Variants in ZCWPW2 observed in about 807,000 individuals in gnomAD.
The protein encoded by ZCWPW2 is zinc finger CW-type PWWP domain protein 2.
A neutral mutation model predicts 46.6 loss-of-function variants in ZCWPW2; 45 were observed. That is an observed-to-expected ratio of 0.96 (90% CI 0.76 to 1.24). The LOEUF (loss-of-function observed/expected upper bound fraction) is 1.24, where lower values mean the gene tolerates loss of function less well. Ranked by LOEUF, ZCWPW2 falls within the 50% of genes most tolerant of loss-of-function variation. The pLI, the probability that ZCWPW2 is intolerant of heterozygous loss-of-function variation, is 0.00. For missense variants in ZCWPW2, 429 were observed against 403.9 expected (o/e 1.06, Z -0.53); for synonymous variants, 152 against 137.1 (o/e 1.11, Z -0.76).
At chr3:28,378,442 T>C (rs1489528405) in intron 1 of ZCWPW2, among the ~76,000 whole-genome samples, 1 of 152,072 alleles carries the variant, frequency 6.6e-6, no homozygotes, top group Non-Finnish European at 1.5e-5. Flanking sequence ...CAAACATTTA[T>C]TATATCTTCA....
chr3:28,448,595 G>A (rs1698088180), intron 4 of ZCWPW2, among the ~76,000 whole-genome samples: 1 of 151,232 alleles, frequency 6.6e-6, no homozygotes. Flanking sequence ...GACCCGCCTG[G>A]CCACCATGGA....
At chr3:28,409,788 G>A (rs1412045304) in intron 2 of ZCWPW2, among the ~76,000 whole-genome samples, 2 of 152,090 alleles carry the variant, frequency 1.3e-5, no homozygotes, top group Non-Finnish European at 2.9e-5. Context: ...TACAAGTTAG[G>A]AAAGGAGAAA....
intron 4 of ZCWPW2, among the ~76,000 whole-genome samples, chr3:28,474,586 C>CGTGTGTGTGTGTGTGTGT (rs71087699): frequency 2.9e-5 from 4 of 136,170 alleles, no homozygotes; most frequent in Non-Finnish European, 3.1e-5. Context: ...TTAAATACAG[C>CGTGTGTGTGTGTGTGTGT]GTGTGTGTGT....
intron 2 of ZCWPW2, among the ~76,000 whole-genome samples, chr3:28,403,401 C>CA (rs1028789912): frequency 6.6e-6 from 1 of 152,008 alleles, no homozygotes; most frequent in Admixed American, 6.5e-5. Flanking sequence ...ATAGACAACA[C>CA]AAAAAAATGA....
At chr3:28,411,191 A>G (rs768854939) in intron 2 of ZCWPW2, among the ~76,000 whole-genome samples, 10 of 152,000 alleles carry the variant, frequency 6.6e-5, no homozygotes, top group Non-Finnish European at 1.3e-4. Context: ...CCAGGTAGGG[A>G]TTATCCAGAA....
At chr3:28,516,129 A>C (rs1175759697) in intron 8 of ZCWPW2, among the ~76,000 whole-genome samples, 1 of 151,794 alleles carries the variant, frequency 6.6e-6, no homozygotes. Flanking sequence ...AATCCCAGCT[A>C]CTCTGGAGGC....
intron 5 of ZCWPW2, among the ~76,000 whole-genome samples, chr3:28,489,704 A>ACC (rs1553641730): frequency 3.4e-5 from 5 of 145,158 alleles, no homozygotes; most frequent in Admixed American, 1.4e-4. Context: ...ACACACACAC[A>ACC]CCCCATGTCT....
intron 4 of ZCWPW2, among the ~76,000 whole-genome samples, chr3:28,474,023 A>G (rs1699136611): frequency 6.6e-6 from 1 of 152,202 alleles, no homozygotes. Flanking sequence ...TAAAGAGTAT[A>G]ATTGGATTGT....
intron 4 of ZCWPW2, among the ~76,000 whole-genome samples, chr3:28,473,779 A>G (rs996613358): frequency 4.6e-5 from 7 of 152,210 alleles, no homozygotes; most frequent in Non-Finnish European, 8.8e-5. Flanking sequence ...GCACAGAAAG[A>G]TAAACTTTGC....
intron 1 of ZCWPW2, among the ~76,000 whole-genome samples, chr3:28,367,259 C>T (rs1318128491): frequency 6.6e-6 from 1 of 152,108 alleles, no homozygotes; most frequent in Non-Finnish European, 1.5e-5. Flanking sequence ...TTAGATCTTT[C>T]CTGCTTTCTC....
intron 2 of ZCWPW2, among the ~76,000 whole-genome samples, chr3:28,391,012 C>T (rs1028029885): frequency 9.9e-5 from 15 of 152,042 alleles, no homozygotes; most frequent in African/African-American, 3.6e-4. Context: ...ACTAGGGCCC[C>T]AGATAGGGAT....
At chr3:28,412,053 T>C (rs1472343552) in intron 2 of ZCWPW2, among the ~76,000 whole-genome samples, 1 of 152,044 alleles carries the variant, frequency 6.6e-6, no homozygotes, top group Non-Finnish European at 1.5e-5. Flanking sequence ...GTGACAAATG[T>C]AAGTAAGTGA....
At position 28,510,861 on chromosome 3, in the gene ZCWPW2, C is replaced by G. The variant is rs565667424; in HGVS notation, c.658-3203C>G. The G allele has an allele frequency of 4.2e-5, 11 of 260,200 alleles. No individual in the cohort carries two copies. In the South Asian group the frequency reaches 4.5e-4, roughly 11 times the overall value. 16.1% of individuals were successfully genotyped at this position (260,200 alleles called of 1,614,324 possible). A position where few individuals can be genotyped will look rare whatever the true frequency, so the allele number is the denominator to read the frequency against. ...AGATGATGATGTACAAATGTCTTAACTGTATTAGTCATTTACAAACACTGT... is the reference window on the plus strand; with the variant it reads ...AGATGATGATGTACAAATGTCTTAAGTGTATTAGTCATTTACAAACACTGT... On this transcript the variant is annotated intron_variant, in intron 6 of 9. Transcript: ENST00000383768.
chr3:28,461,947 C>G (rs1335030912), intron 4 of ZCWPW2, among the ~76,000 whole-genome samples: 1 of 152,158 alleles, frequency 6.6e-6, no homozygotes, highest in African/African-American at 2.4e-5. Context: ...TTCTTCCCTA[C>G]AATTAACCAG....
At chr3:28,387,289 C>A (rs779838547) in intron 1 of ZCWPW2, among the ~76,000 whole-genome samples, 5 of 152,122 alleles carry the variant, frequency 3.3e-5, no homozygotes, top group Non-Finnish European at 5.9e-5. Flanking sequence ...TTGTTCCCAT[C>A]TGTCTTCTTT....
intron 1 of ZCWPW2, among the ~76,000 whole-genome samples, chr3:28,356,150 T>G (rs1292315007): frequency 6.6e-6 from 1 of 152,178 alleles, no homozygotes; most frequent in African/African-American, 2.4e-5. Context: ...TAAACAAATT[T>G]ACAAGAAAAA....
chr3:28,438,872 A>G (rs548346662), intron 4 of ZCWPW2, among the ~76,000 whole-genome samples: 1 of 152,190 alleles, frequency 6.6e-6, no homozygotes, highest in Admixed American at 6.5e-5. Context: ...TTAGGAACAG[A>G]AAAGTACAAC....
intron 1 of ZCWPW2, among the ~76,000 whole-genome samples, chr3:28,363,583 G>A (rs1487305694): frequency 1.3e-5 from 2 of 152,050 alleles, no homozygotes; most frequent in Non-Finnish European, 2.9e-5. Context: ...GCCTTGGAAT[G>A]TACTTTTCAA....
At chr3:28,453,043 G>A (rs1698286587) in intron 4 of ZCWPW2, among the ~76,000 whole-genome samples, 1 of 152,150 alleles carries the variant, frequency 6.6e-6, no homozygotes, top group Non-Finnish European at 1.5e-5. Flanking sequence ...GAAGTGTCAA[G>A]AACTATTGAA....
Sources: allele counts gnomAD v4.1 joint callset (sites outside exome capture counted in the v4.1 genomes callset), GRCh38; gene constraint gnomAD v4.1.1; transcripts MANE v1.5; gene names NCBI Gene and HGNC (gene_info 2026-07-23, HGNC 2026-07-21).